The following SLC39A11 variants were observed in gnomAD, a reference collection of about 807,000 sequenced individuals.
The protein encoded by SLC39A11 is solute carrier family 39 member 11, also known as zinc transporter ZIP11.
Under a neutral mutation model 36.1 loss-of-function variants are expected in SLC39A11, and 33 were observed. The observed-to-expected ratio is 0.91, with a 90% CI of 0.69 to 1.22. The LOEUF is 1.22. SLC39A11 is among the 50% of genes most tolerant of loss of function. The pLI, the probability that SLC39A11 is intolerant of heterozygous loss-of-function variation, is 0.00. For synonymous variants in SLC39A11, 166 were observed against 170.3 expected (o/e 0.97, Z 0.20); for missense variants, 432 against 430.3 (o/e 1.00, Z -0.03).
chr17:72,964,155 C>T (rs1190855994), intron 4 of SLC39A11, among the ~76,000 whole-genome samples: 2 of 152,186 alleles, frequency 1.3e-5, no homozygotes, highest in South Asian at 4.1e-4. Context: ...CAGAAAGAGA[C>T]TTTAGTCAAG....
chr17:72,816,636 G>C (rs2077593601), intron 6 of SLC39A11, among the ~76,000 whole-genome samples: 1 of 152,142 alleles, frequency 6.6e-6, no homozygotes, highest in South Asian at 2.1e-4. Context: ...CCCTCACTCA[G>C]AGCTGGTCAT....
At chr17:72,782,934 G>A (rs1290244295) in intron 6 of SLC39A11, among the ~76,000 whole-genome samples, 4 of 147,368 alleles carry the variant, frequency 2.7e-5, no homozygotes, top group South Asian at 2.1e-4. Flanking sequence ...CCCGGGAGGC[G>A]GAGATTGCGG....
intron 6 of SLC39A11, among the ~76,000 whole-genome samples, chr17:72,753,160 A>T (rs2144364989): frequency 6.6e-6 from 1 of 152,226 alleles, no homozygotes; most frequent in African/African-American, 2.4e-5. Context: ...TTGTTTTCAG[A>T]GTTTTGAGAT....
At position 72,849,681 on chromosome 17, in the gene SLC39A11, C is replaced by G; in HGVS notation, c.554G>C (p.Arg185Thr). The change falls in exon 6 of 10, where the codon AGG becomes ACG. Residue 185 changes from arginine (R) to threonine (T), a missense_variant. By Grantham distance (71) the Arg-to-Thr change is moderately conservative (BLOSUM62 -1). Coordinates refer to ENST00000255559, the MANE Select transcript of SLC39A11 (RefSeq NM_139177.4). Reference protein sequence around the residue: ...NLAQPGGSSWRRIALLILAIT... With the variant: ...NLAQPGGSSWTRIALLILAIT... The stretch of plus-strand genomic sequence containing the variant: ...GGCCAAGATGAGCAGTGCGATCCTC[C>G]TCCAGCTGCTGCCGCCGGGCTGTGC... The G allele has an allele frequency of 6.2e-7, 1 of 1,607,944 alleles. No individual in the cohort carries two copies. Among genetic ancestry groups the G allele is most frequent in the Middle Eastern group, 1.7e-4 (1 of 6,032 alleles).
chr17:72,784,313 C>G (rs977834776), intron 6 of SLC39A11, among the ~76,000 whole-genome samples: 2 of 152,092 alleles, frequency 1.3e-5, no homozygotes, highest in African/African-American at 4.8e-5. Context: ...CCACGATACG[C>G]CAGCCTGGGC....
At chr17:73,058,011 T>C (rs1167246778) in intron 3 of SLC39A11, among the ~76,000 whole-genome samples, 1 of 10,366 alleles carries the variant, frequency 9.6e-5, no homozygotes. Context: ...TTTAGACTCT[T>C]TTTTTTTTTT....
chr17:72,947,741 C>G lies in SLC39A11; in HGVS notation c.430+11G>C. The G allele has an allele frequency of 6.2e-7, 1 of 1,613,680 alleles. No individual in the cohort carries two copies. The highest frequency in any genetic ancestry group is 1.3e-5 in the African/African-American group (1 of 75,014). ...CAGCAAAGAGCTTGCCTGAAAGAAG[C>G]CCAGCTCTACCTATCCGGATGGAAA... On this transcript the variant is annotated intron_variant, in intron 5 of 9. Transcript: ENST00000255559.
intron 6 of SLC39A11, among the ~76,000 whole-genome samples, chr17:72,831,893 C>T (rs773335502): frequency 5.3e-5 from 8 of 152,160 alleles, no homozygotes; most frequent in Non-Finnish European, 1.0e-4. Flanking sequence ...GCTTAAGTTA[C>T]GCAGATGGGC....
intron 6 of SLC39A11, among the ~76,000 whole-genome samples, chr17:72,799,744 T>C (rs113085148): frequency 0.068 from 10,345 of 151,898 alleles, 366 homozygotes; most frequent in African/African-American, 0.085. Context: ...CTGTTTTCTG[T>C]TGTTTAAGAT....
intron 7 of SLC39A11, among the ~76,000 whole-genome samples, chr17:72,735,205 C>G (rs1000459197): frequency 6.6e-6 from 1 of 152,120 alleles, no homozygotes; most frequent in Non-Finnish European, 1.5e-5. Flanking sequence ...TGCACATATT[C>G]GGGGCTTCAT....
At chr17:72,937,275 T>A (rs2147534698) in intron 5 of SLC39A11, among the ~76,000 whole-genome samples, 1 of 152,008 alleles carries the variant, frequency 6.6e-6, no homozygotes, top group South Asian at 2.1e-4. Flanking sequence ...ACCACCCCCC[T>A]CCCTGGTATC....
At chr17:72,822,416 A>G (rs2077832383) in intron 6 of SLC39A11, among the ~76,000 whole-genome samples, 1 of 150,350 alleles carries the variant, frequency 6.7e-6, no homozygotes, top group Non-Finnish European at 1.5e-5. Flanking sequence ...CATGACTTAA[A>G]ATTTTCTAGA....
chr17:72,951,499 C>A (rs536269993), intron 4 of SLC39A11, among the ~76,000 whole-genome samples: 1 of 152,268 alleles, frequency 6.6e-6, no homozygotes, highest in Admixed American at 6.5e-5. Flanking sequence ...AGAGATGCTC[C>A]AGGTACTGGC....
At chr17:73,031,777 C>T in intron 3 of SLC39A11, 63 bp from the exon 4 acceptor site, 4 of 1,543,478 alleles carry the variant, frequency 2.6e-6, no homozygotes, top group Non-Finnish European at 3.5e-6. Flanking sequence ...CAGGCAGGAC[C>T]TCAGTTGCTC....
intron 4 of SLC39A11, among the ~76,000 whole-genome samples, chr17:72,976,563 T>G (rs1397794520): frequency 2.0e-5 from 3 of 152,034 alleles, no homozygotes; most frequent in Non-Finnish European, 4.4e-5. Flanking sequence ...CAGAAATGTC[T>G]CTGTTGGCCG....
chr17:72,839,669 T>G (rs2078719970), intron 6 of SLC39A11: 2 of 152,262 alleles, frequency 1.3e-5, no homozygotes, highest in Admixed American at 1.3e-4. Flanking sequence ...CCACTAAGTT[T>G]GTGATAATTG....
At chr17:72,651,680 A>C (rs185216599) in intron 7 of SLC39A11, among the ~76,000 whole-genome samples, 3 of 152,316 alleles carry the variant, frequency 2.0e-5, no homozygotes, top group Non-Finnish European at 4.4e-5. Context: ...GGGACAAAGC[A>C]GCTTCCCCAG....
intron 7 of SLC39A11, among the ~76,000 whole-genome samples, chr17:72,679,848 C>G (rs928212998): frequency 2.0e-5 from 3 of 152,016 alleles, no homozygotes; most frequent in African/African-American, 7.2e-5. Flanking sequence ...TCGAGACCAT[C>G]CTGGCCAACA....
chr17:72,817,096 T>TA (rs945102748), intron 6 of SLC39A11, among the ~76,000 whole-genome samples: 5 of 93,460 alleles, frequency 5.3e-5, no homozygotes, highest in Admixed American at 4.8e-4. Context: ...TGTGTTGATA[T>TA]AAAGGAATAC....
Sources: gnomAD v4.1 joint callset for allele counts (sites outside exome capture counted in the v4.1 genomes callset) on GRCh38, gnomAD v4.1.1 for gene constraint, MANE v1.5 for transcripts, NCBI Gene and HGNC (gene_info 2026-07-23, HGNC 2026-07-21) for gene names.